UPF2: variants seen among roughly 807,000 people sequenced by gnomAD.
UPF2 encodes the protein UPF2 regulator of nonsense mediated mRNA decay.
In UPF2, 17 loss-of-function variants were observed where a neutral mutation model predicts 141.4. That is an observed-to-expected ratio of 0.12 (90% confidence interval 0.08 to 0.18). The LOEUF (loss-of-function observed/expected upper bound fraction) is 0.18, where lower values mean the gene tolerates loss of function less well. Among genes scored for constraint, UPF2 ranks in the 10% least tolerant of loss-of-function variants. The pLI, the probability that UPF2 is intolerant of heterozygous loss-of-function variation, is 1.00. For synonymous variants in UPF2, 540 were observed against 498.0 expected (o/e 1.08, Z -1.12); for missense variants, 1,152 against 1,515.9 (o/e 0.76, Z 3.99).
At chr10:12,022,178 G>A (rs1564369643) in intron 3 of UPF2, among the ~76,000 whole-genome samples, 9 of 151,492 alleles carry the variant, frequency 5.9e-5, no homozygotes, top group Admixed American at 5.3e-4. Flanking sequence ...TTGGGAGGCC[G>A]AGGAGGGCAG....
rs1832620818 is a variant in UPF2 at position 11,920,123 on chromosome 10, T to C, written c.*1175A>G. ...GTGAAATGTTACAACTTTACAAGTT[T>C]TGTTTTTTATTTAAATCTACATGCA... On this transcript the variant is annotated 3_prime_UTR_variant, in exon 22 of 22. Transcript: ENST00000357604. 2 of 152,224 alleles carry C rather than the reference T, an allele frequency of 1.3e-5. No homozygotes were observed. The highest frequency in any genetic ancestry group is 6.5e-5 in the Admixed American group (1 of 15,270). The allele number at this position is 152,224 out of a possible 1,614,324, so 9.4% of individuals were successfully genotyped here.
intron 8 of UPF2, among the ~76,000 whole-genome samples, chr10:11,984,363 A>C (rs1450880012): frequency 6.6e-6 from 1 of 152,166 alleles, no homozygotes; most frequent in Non-Finnish European, 1.5e-5. Context: ...TTTTAAGCGT[A>C]TCATCTGCTC....
intron 18 of UPF2, among the ~76,000 whole-genome samples, chr10:11,937,453 G>A (rs748845600): frequency 2.0e-5 from 3 of 152,200 alleles, no homozygotes; most frequent in Non-Finnish European, 4.4e-5. Context: ...GAGTGGTTGC[G>A]TGCCCTTCAC....
At chr10:12,032,899 G>A (rs541994903) in intron 2 of UPF2, among the ~76,000 whole-genome samples, 7 of 151,280 alleles carry the variant, frequency 4.6e-5, no homozygotes, top group Non-Finnish European at 8.8e-5. Context: ...CAGGAGGCAG[G>A]AGGAATCACT....
intron 17 of UPF2, 58 bp downstream of exon 17, chr10:11,943,006 T>G: frequency 6.2e-6 from 8 of 1,299,602 alleles, no homozygotes; most frequent in Non-Finnish European, 8.7e-6. Flanking sequence ...TGACTAAAAT[T>G]CAAATACTAT....
Position 11,939,122 on chromosome 10 carries a change from G to A in UPF2, c.3379-2410C>T, listed in dbSNP as rs143379473. On this transcript the variant is annotated intron_variant, in intron 18 of 21. Coordinates refer to ENST00000357604, the MANE Select transcript of UPF2 (RefSeq NM_015542.4). The surrounding 1 kb of genome is among the most constrained non-coding windows in gnomAD (Gnocchi z 4.8). ...CCTGACCTCGTGATCCTCCCACCTC[G>A]GCCTCCCAAAGTGATGGGATTACAG... is the stretch of plus-strand genomic sequence containing the variant. 7.2e-5 allele frequency among the ~76,000 whole-genome samples: 11 copies of A among 151,786 alleles called. No individual in the cohort carries two copies. Among genetic ancestry groups the A allele is most frequent in the Non-Finnish European group, 1.0e-4 (7 of 67,956 alleles).
At chr10:11,960,445 G>C (rs1049225245) in intron 11 of UPF2, among the ~76,000 whole-genome samples, 1 of 152,040 alleles carries the variant, frequency 6.6e-6, no homozygotes, top group Non-Finnish European at 1.5e-5. Context: ...GTAGGTACCT[G>C]TAGTCCCAGC....
chr10:12,040,117 G>A (rs912469776), intron 1 of UPF2, among the ~76,000 whole-genome samples: 1 of 152,064 alleles, frequency 6.6e-6, no homozygotes, highest in African/African-American at 2.4e-5. Context: ...AGCTGCAGTA[G>A]GCATGCAAGA....
chr10:11,983,059 G>A (rs1002383387), intron 8 of UPF2, among the ~76,000 whole-genome samples: 7 of 152,172 alleles, frequency 4.6e-5, no homozygotes, highest in African/African-American at 1.7e-4. Context: ...CTCAAACAGT[G>A]CCTGGAACAT....
At chr10:11,942,169 G>T (rs1237308484) in intron 18 of UPF2, among the ~76,000 whole-genome samples, 1 of 152,072 alleles carries the variant, frequency 6.6e-6, no homozygotes. Context: ...AGGTCAGGAG[G>T]TCGAGACCAA....
intron 18 of UPF2, among the ~76,000 whole-genome samples, chr10:11,937,309 T>C (rs1190174731): frequency 1.3e-5 from 2 of 152,228 alleles, no homozygotes; most frequent in East Asian, 1.9e-4. Context: ...GAGATAGTAA[T>C]GTTAAAAATA....
chr10:12,006,887 G>A (rs945880290), intron 4 of UPF2, among the ~76,000 whole-genome samples: 5 of 152,074 alleles, frequency 3.3e-5, no homozygotes, highest in African/African-American at 9.7e-5. Flanking sequence ...TGGTCTCTAC[G>A]ATGGAGCCAA....
chr10:11,927,896 T>C (rs1832732266), intron 21 of UPF2, among the ~76,000 whole-genome samples: 1 of 152,170 alleles, frequency 6.6e-6, no homozygotes, highest in African/African-American at 2.4e-5. Context: ...TGACTACATT[T>C]TCCCCCATGC....
chr10:11,991,098 ATTTT>A (rs1564358183), intron 8 of UPF2, among the ~76,000 whole-genome samples: 1 of 152,290 alleles, frequency 6.6e-6, no homozygotes, highest in African/African-American at 2.4e-5. Context: ...GGTACTGTCA[ATTTT>A]TTTAAATTAA....
At chr10:12,003,209 C>A (rs1048160000) in intron 5 of UPF2, among the ~76,000 whole-genome samples, 1 of 152,202 alleles carries the variant, frequency 6.6e-6, no homozygotes, top group African/African-American at 2.4e-5. Context: ...ATGGAGCATG[C>A]AGTCACTCCC....
At chr10:11,925,499 A>G (rs1476842160) in intron 21 of UPF2, among the ~76,000 whole-genome samples, 1 of 152,274 alleles carries the variant, frequency 6.6e-6, no homozygotes, top group East Asian at 1.9e-4. Context: ...CTGAGCACCT[A>G]CTAGGTGCCA....
intron 8 of UPF2, among the ~76,000 whole-genome samples, chr10:11,981,812 A>G (rs1439807565): frequency 1.3e-5 from 2 of 152,138 alleles, no homozygotes; most frequent in African/African-American, 2.4e-5. Context: ...CAGCCTCCCA[A>G]GTAGCTGGGA....
chr10:11,936,822 T>A lies in UPF2; in HGVS notation c.3379-110A>T. 9.5e-7 allele frequency: 1 copy of A among 1,056,994 alleles called. No individual in the cohort carries two copies. The highest frequency in any genetic ancestry group is 1.3e-6 in the Non-Finnish European group (1 of 767,690). 65.5% of individuals were successfully genotyped at this position (1,056,994 alleles called of 1,614,324 possible). Reference sequence around the variant, plus strand: ...TGTATTTCTTAAAACACAACAATCATAAGAGCCATAACAGTCAACAATTAC... The same window carrying A: ...TGTATTTCTTAAAACACAACAATCAAAAGAGCCATAACAGTCAACAATTAC... On this transcript the variant is annotated intron_variant, in intron 18 of 21. Transcript: ENST00000357604. This position sits in a 1 kb window ranked among gnomAD's most constrained non-coding sequence, Gnocchi z 6.6.
rs923706582 is a variant in UPF2 at position 12,028,798 on chromosome 10, G to C, written c.1092C>G (p.Thr364=). 6 of 1,613,620 alleles carry C rather than the reference G, an allele frequency of 3.7e-6. No homozygotes were observed. Among genetic ancestry groups the C allele is most frequent in the African/African-American group, 2.7e-5 (2 of 74,860 alleles). The change falls in exon 3 of 22, where the codon ACC becomes ACG. Residue 364 remains threonine (T), a synonymous_variant. Coordinates refer to ENST00000357604, the MANE Select transcript of UPF2 (RefSeq NM_015542.4). ...CCCTGTGGTCCCTTTTCAGGTGTTT[G>C]GTCAAAGACGTAAAGTACTCTTTTA... ...NLLKEYFTSL[T]KHLKRDHREL... is the part of the protein sequence containing the mutation.
Sources: allele counts gnomAD v4.1 joint callset (sites outside exome capture counted in the v4.1 genomes callset), GRCh38; gene constraint gnomAD v4.1.1; non-coding constraint Gnocchi (gnomAD v3.1); transcripts MANE v1.5; gene names NCBI Gene and HGNC (gene_info 2026-07-23, HGNC 2026-07-21).